Variants in SPARCL1 observed in about 807,000 individuals in gnomAD.
SPARCL1 encodes the protein SPARC-like protein 1.
SPARCL1 carries 52 observed loss-of-function variants against 67.1 expected under a neutral mutation model. That is an observed-to-expected ratio of 0.78 (90% CI 0.62 to 0.98). The LOEUF is 0.98. Among genes scored for constraint, SPARCL1 ranks in the 50% least tolerant of loss-of-function variants. The pLI, the probability that SPARCL1 is intolerant of heterozygous loss-of-function variation, is 0.00. For missense variants in SPARCL1, 717 were observed against 782.4 expected (o/e 0.92, Z 1.00); for synonymous variants, 226 against 267.8 (o/e 0.84, Z 1.52).
chr4:87,479,513 G>A lies in SPARCL1; in HGVS notation c.1883C>T (p.Thr628Ile). The A allele has an allele frequency of 6.2e-7, 1 of 1,614,090 alleles. No homozygotes were observed. The highest frequency in any genetic ancestry group is 8.5e-7 in the Non-Finnish European group (1 of 1,180,002). ...GGGGTCACACTCCTCAAAGAAACGG[G>A]TTATGCAGTGTTCCATGGGCACCAG... Reference protein sequence around the residue: ...ASLVPMEHCITRFFEECDPNK... With the variant: ...ASLVPMEHCIIRFFEECDPNK... Residue 628 changes from threonine (T) to isoleucine (I), a missense_variant, in exon 10 of 11, where the codon ACC becomes ATC. Transcript: ENST00000282470.
intron 7 of SPARCL1, among the ~76,000 whole-genome samples, chr4:87,483,455 A>C (rs1451590919): frequency 6.6e-6 from 1 of 151,946 alleles, no homozygotes; most frequent in African/African-American, 2.4e-5. Context: ...CATGGTGTAT[A>C]TGTGTCATAT....
Position 87,494,390 on chromosome 4 carries a change from T to C in SPARCL1, c.410A>G (p.Asn137Ser). 1 of 1,614,144 alleles carries C rather than the reference T, an allele frequency of 6.2e-7. No individual in the cohort carries two copies. The highest frequency in any genetic ancestry group is 1.7e-5 in the Admixed American group (1 of 60,014). ...SEPQEKKLSE[N>S]TDFLAPGVSS... ...AACACCAGGAGCCAAAAAATCAGTG[T>C]TCTCTGAGAGTTTTTTCTCCTGAGG... The change falls in exon 4 of 11, where the codon AAC becomes AGC. Residue 137 changes from asparagine (N) to serine (S), a missense_variant. By Grantham distance (46) the Asn-to-Ser change is conservative (BLOSUM62 1). Coordinates refer to ENST00000282470, the MANE Select transcript of SPARCL1 (RefSeq NM_004684.6).
rs1213839799 is a variant in SPARCL1, at chr4:87,473,809, A to G, written c.1967-6T>C. On this transcript the variant is annotated splice_region_variant and splice_polypyrimidine_tract_variant and intron_variant, in intron 10 of 10. Coordinates refer to ENST00000282470, the MANE Select transcript of SPARCL1 (RefSeq NM_004684.6). ...GAGATTTTCATCTATGTCCTCTATA[A>G]AAAAACAAGAAGCAAAATGACACTT... 2 of 1,600,864 alleles carry G rather than the reference A, an allele frequency of 1.2e-6. No individual in the cohort carries two copies. The highest frequency in any genetic ancestry group is 1.7e-6 in the Non-Finnish European group (2 of 1,170,348).
Position 87,494,606 on chromosome 4 carries a change from G to C in SPARCL1, c.202-8C>G. 6.4e-7 allele frequency: 1 copy of C among 1,552,402 alleles called. No homozygotes were observed. The highest frequency in any genetic ancestry group is 2.3e-5 in the East Asian group (1 of 44,248). On this transcript the variant is annotated splice_region_variant and splice_polypyrimidine_tract_variant and intron_variant, in intron 3 of 10. Transcript: ENST00000282470. Reference sequence around the variant, plus strand: ...TACTGATGATTTTTCAGCCTTAAAAGAAAAAAAAGTTCATTCTTCAAACAA... The same window carrying C: ...TACTGATGATTTTTCAGCCTTAAAACAAAAAAAAGTTCATTCTTCAAACAA...
At chr4:87,473,882 A>C (rs1723452450) in intron 10 of SPARCL1, 79 bp from the exon 11 acceptor site, 1 of 975,002 alleles carries the variant, frequency 1.0e-6, no homozygotes, top group African/African-American at 1.6e-5. Context: ...GAGTTGGGGG[A>C]TTAGAGAAAC....
chr4:87,520,672 T>G (rs1039042916), intron 1 of SPARCL1, among the ~76,000 whole-genome samples: 1 of 152,198 alleles, frequency 6.6e-6, no homozygotes, highest in Non-Finnish European at 1.5e-5. Flanking sequence ...TGGGAGAGGT[T>G]GTAATTGGAT....
chr4:87,499,554 GA>G lies in SPARCL1; in HGVS notation c.20del (p.Phe7SerfsTer29). 3 of 1,590,506 alleles carry G rather than the reference GA, an allele frequency of 1.9e-6. No individual in the cohort carries two copies. The highest frequency in any genetic ancestry group is 3.9e-5 in the Admixed American group (2 of 51,880). On this transcript the variant is annotated frameshift_variant, in exon 2 of 11. Transcript: ENST00000282470. LOFTEE classifies it high-confidence loss of function. ...CAGCTGCAGTTCCCAAGAGACATAGGAAAAAAAGCCCAGTCTTCATGCTTTC... is the reference window on the plus strand; with the variant it reads ...CAGCTGCAGTTCCCAAGAGACATAGGAAAAAAGCCCAGTCTTCATGCTTTC... MKTGLFFLCLLGTAAAI... is the reference protein window; with the variant it reads MKTGLFXLCLLGTAAAI...
intron 1 of SPARCL1, among the ~76,000 whole-genome samples, chr4:87,521,259 T>C (rs1725804425): frequency 6.6e-6 from 1 of 152,208 alleles, no homozygotes; most frequent in African/African-American, 2.4e-5. Flanking sequence ...TTAAATCAAC[T>C]TAGCACACCT....
At chr4:87,518,369 G>C (rs1052676295) in intron 1 of SPARCL1, among the ~76,000 whole-genome samples, 1 of 152,320 alleles carries the variant, frequency 6.6e-6, no homozygotes, top group Non-Finnish European at 1.5e-5. Context: ...GCTGAGGCAG[G>C]AGGATTGCTT....
intron 1 of SPARCL1, among the ~76,000 whole-genome samples, chr4:87,524,162 G>A (rs1725939491): frequency 6.6e-6 from 1 of 152,198 alleles, no homozygotes; most frequent in South Asian, 2.1e-4. Context: ...AAGATAAGAT[G>A]TTTTAATACT....
At chr4:87,506,808 TCTATCTATCTATCTATCTAC>T (rs1256065323) in intron 1 of SPARCL1, among the ~76,000 whole-genome samples, 9 of 132,830 alleles carry the variant, frequency 6.8e-5, no homozygotes, top group East Asian at 4.4e-4. Context: ...TATCTATCTA[TCTATCTATCTATCTATCTAC>T]CTACCTACCT....
chr4:87,494,555 T>A lies in SPARCL1; in HGVS notation c.245A>T (p.Glu82Val), dbSNP rs1435830223. ...ACTCTTGCCCTGTTCTGCTGACTGT[T>A]CATGGCTTTCCTCTTTTGACTTTAG... ...SVLKSKEESH[E>V]QSAEQGKSSS... Residue 82 changes from glutamate to valine, a missense_variant, in exon 4 of 11, where the codon GAA becomes GTA. Glu to Val is a moderately radical substitution (Grantham distance 121). Transcript: ENST00000282470. 7 of 1,612,046 alleles carry A rather than the reference T, an allele frequency of 4.3e-6. No individual in the cohort carries two copies. The highest frequency in any genetic ancestry group is 5.1e-6 in the Non-Finnish European group (6 of 1,179,552).
chr4:87,486,888 CTT>C (rs57597004), intron 7 of SPARCL1, among the ~76,000 whole-genome samples: 1 of 28,000 alleles, frequency 3.6e-5, no homozygotes, highest in African/African-American at 1.3e-4. Context: ...GCAATTCCTG[CTT>C]TTTTTTTTTT....
chr4:87,509,244 C>A (rs10028788), intron 1 of SPARCL1, among the ~76,000 whole-genome samples: 17,551 of 152,050 alleles, frequency 0.12, 1,068 homozygotes, highest in East Asian at 0.15. Context: ...ATTCTAAGAG[C>A]TTTGCACACA....
chr4:87,502,252 T>C (rs529595105), intron 1 of SPARCL1, among the ~76,000 whole-genome samples: 38 of 152,314 alleles, frequency 2.5e-4, no homozygotes, highest in African/African-American at 9.1e-4. Context: ...ATAAGGATAA[T>C]TTGCATATCC....
At chr4:87,503,700 A>G (rs1487252775) in intron 1 of SPARCL1, among the ~76,000 whole-genome samples, 3 of 137,072 alleles carry the variant, frequency 2.2e-5, no homozygotes, top group Non-Finnish European at 4.5e-5. Flanking sequence ...TTTTTTTAAT[A>G]CAGAGTCTTG....
chr4:87,482,638 A>T, intron 7 of SPARCL1, 78 bp from the exon 8 acceptor site: 1 of 1,529,702 alleles, frequency 6.5e-7, no homozygotes, highest in Non-Finnish European at 9.0e-7. Context: ...AGGAAGCTTA[A>T]CGACTTCTGG....
intron 1 of SPARCL1, among the ~76,000 whole-genome samples, chr4:87,522,986 C>T (rs1301916336): frequency 3.9e-5 from 6 of 152,196 alleles, no homozygotes; most frequent in Non-Finnish European, 8.8e-5. Flanking sequence ...AAGAGCTGGG[C>T]ACAGTGGCTC....
chr4:87,522,269 T>A (rs1725848687), intron 1 of SPARCL1, among the ~76,000 whole-genome samples: 1 of 152,008 alleles, frequency 6.6e-6, no homozygotes, highest in African/African-American at 2.4e-5. Context: ...GTCAATGACT[T>A]AAGACTTTTC....
Sources: gnomAD v4.1 joint callset for allele counts (sites outside exome capture counted in the v4.1 genomes callset) on GRCh38, gnomAD v4.1.1 for gene constraint, MANE v1.5 for transcripts, NCBI Gene and HGNC (gene_info 2026-07-23, HGNC 2026-07-21) for gene names.